Variants in BICDL1 observed in about 807,000 individuals in gnomAD.
BICDL1 encodes the protein BICD family-like cargo adapter 1.
In BICDL1, 20 loss-of-function variants were observed where a neutral mutation model predicts 76.8. That is an observed-to-expected ratio of 0.26 (90% CI 0.18 to 0.38). The LOEUF (loss-of-function observed/expected upper bound fraction) is 0.38, where lower values mean the gene tolerates loss of function less well. BICDL1 is among the 10% of genes least tolerant of loss of function. The pLI, the probability that BICDL1 is intolerant of heterozygous loss-of-function variation, is 1.00. For missense variants in BICDL1, 700 were observed against 798.6 expected (o/e 0.88, Z 1.49); for synonymous variants, 383 against 337.1 (o/e 1.14, Z -1.49).
rs775079761 is a variant in BICDL1, at chr12:119,989,959, G to A, written c.91G>A (p.Gly31Arg). Residue 31 changes from glycine to arginine, a missense_variant, in exon 1 of 10, where the codon GGG becomes AGG. By Grantham distance (125) the Gly-to-Arg change is moderately radical. Transcript: ENST00000548673. ...CTGCATGGAGCTGCCCGCCGCGGCC[G>A]GGGACGCAGTCCGGAGTCCCGCCGC... Reference protein sequence around the residue: ...ACCMELPAAAGDAVRSPAAAA... With the variant: ...ACCMELPAAARDAVRSPAAAA... 6.8e-7 allele frequency: 1 copy of A among 1,464,386 alleles called. No individual in the cohort carries two copies. The highest frequency in any genetic ancestry group is 8.9e-7 in the Non-Finnish European group (1 of 1,122,786). 90.7% of individuals were successfully genotyped at this position (1,464,386 alleles called of 1,614,324 possible).
chr12:119,989,687 CGCCGGCGCGGGGGAGGGGCGG>C lies in BICDL1; in HGVS notation c.-172_-152del, dbSNP rs1433237362. On this transcript the variant is annotated 5_prime_UTR_variant, in exon 1 of 10. Coordinates refer to ENST00000548673, the MANE Select transcript of BICDL1 (RefSeq NM_001367886.1). Reference sequence around the variant, plus strand: ...CGGGGGCGGGGGAGGGGGCGCGTGCCGCCGGCGCGGGGGAGGGGCGGGCCGGCGCGCGCCGCGCCCAGGGCT... The same window carrying C: ...CGGGGGCGGGGGAGGGGGCGCGTGCCGCCGGCGCGCGCCGCGCCCAGGGCT... Among the ~76,000 whole-genome samples, 1 of 146,266 alleles carries C rather than the reference CGCCGGCGCGGGGGAGGGGCGG, an allele frequency of 6.8e-6. No individual in the cohort carries two copies.
intron 7 of BICDL1, among the ~76,000 whole-genome samples, chr12:120,080,376 A>G (rs2138981972): frequency 6.6e-6 from 1 of 152,180 alleles, no homozygotes; most frequent in South Asian, 2.1e-4. Flanking sequence ...TCACCTGGGG[A>G]GCTGAATGAG....
At chr12:120,000,502 T>A (rs1438431983) in intron 2 of BICDL1, 1 of 152,260 alleles carries the variant, frequency 6.6e-6, no homozygotes, top group Admixed American at 6.5e-5. Context: ...GCTAGATTGA[T>A]TTATTTGTTC....
intron 7 of BICDL1, among the ~76,000 whole-genome samples, chr12:120,076,027 C>T (rs1374455931): frequency 6.6e-6 from 1 of 152,234 alleles, no homozygotes; most frequent in Non-Finnish European, 1.5e-5. Flanking sequence ...AGTGTGATGG[C>T]ACATGCCTAT....
chr12:120,052,263 TTC>T (rs564491804), intron 2 of BICDL1, among the ~76,000 whole-genome samples: 9 of 94,202 alleles, frequency 9.6e-5, no homozygotes, highest in Admixed American at 4.4e-4. Flanking sequence ...TCCCCTCCCC[TTC>T]TCTCTCTCTC....
intron 4 of BICDL1, among the ~76,000 whole-genome samples, chr12:120,069,859 T>TC (rs1872952454): frequency 1.3e-5 from 2 of 152,328 alleles, no homozygotes; most frequent in South Asian, 4.1e-4. Flanking sequence ...AAACCTCTAC[T>TC]CCAACGTTTT....
chr12:120,065,956 T>C (rs1012910036), intron 4 of BICDL1, among the ~76,000 whole-genome samples: 16 of 152,234 alleles, frequency 1.1e-4, no homozygotes, highest in African/African-American at 3.9e-4. Flanking sequence ...CTAGTAACTT[T>C]CCATATATTA....
At chr12:120,006,133 T>G (rs1186981187) in intron 2 of BICDL1, among the ~76,000 whole-genome samples, 1 of 152,152 alleles carries the variant, frequency 6.6e-6, no homozygotes, top group Non-Finnish European at 1.5e-5. Context: ...AAGATAATGG[T>G]TACCTGGGGA....
intron 2 of BICDL1, among the ~76,000 whole-genome samples, chr12:120,027,687 A>G (rs1381682313): frequency 6.6e-6 from 1 of 152,220 alleles, no homozygotes; most frequent in Non-Finnish European, 1.5e-5. Flanking sequence ...TGCACTCTGC[A>G]GGTGATGATG....
chr12:120,014,453 G>A (rs1311692530), intron 2 of BICDL1, among the ~76,000 whole-genome samples: 1 of 152,110 alleles, frequency 6.6e-6, no homozygotes, highest in Non-Finnish European at 1.5e-5. Flanking sequence ...CAGCACTTTG[G>A]GAGGCTGAGC....
rs1469663820 is a variant in BICDL1, at chr12:119,989,853, T to C, written c.-16T>C. 2 of 1,324,238 alleles carry C rather than the reference T, an allele frequency of 1.5e-6. No individual in the cohort carries two copies. Among genetic ancestry groups the C allele is most frequent in the Non-Finnish European group, 1.9e-6 (2 of 1,046,994 alleles). The allele number at this position is 1,324,238 out of a possible 1,614,324, so 82.0% of individuals were successfully genotyped here. A position where few individuals can be genotyped will look rare whatever the true frequency, so the allele number is the denominator to read the frequency against. On this transcript the variant is annotated 5_prime_UTR_variant, in exon 1 of 10. Coordinates refer to ENST00000548673, the MANE Select transcript of BICDL1 (RefSeq NM_001367886.1). ...CGGGCCGGGCCGCACCGCTGCGGGC[T>C]CCGCGCGCGCGGGCCATGTCCGCTT...
intron 7 of BICDL1, among the ~76,000 whole-genome samples, chr12:120,077,870 C>T (rs11065013): frequency 7.2e-6 from 1 of 139,054 alleles, no homozygotes. Flanking sequence ...CTTACAAGTT[C>T]TGGGTGGGTT....
intron 4 of BICDL1, among the ~76,000 whole-genome samples, chr12:120,065,474 G>T (rs552942563): frequency 1.2e-4 from 18 of 152,196 alleles, no homozygotes; most frequent in Non-Finnish European, 2.6e-4. Context: ...CTGCTACCGG[G>T]CCTCAGCTGA....
chr12:120,019,118 G>A (rs1334231900), intron 2 of BICDL1: 1 of 151,980 alleles, frequency 6.6e-6, no homozygotes, highest in Admixed American at 6.6e-5. Context: ...GGGAGCGGGG[G>A]ACCGCCAGCT....
intron 2 of BICDL1, chr12:120,000,231 T>G (rs1951732967): frequency 6.4e-6 from 1 of 155,438 alleles, no homozygotes; most frequent in African/African-American, 2.4e-5. Flanking sequence ...AGCTGAGGAT[T>G]CAGGCAATAG....
chr12:120,091,708 T>G (rs1874985552), intron 9 of BICDL1: 1 of 985,094 alleles, frequency 1.0e-6, no homozygotes, highest in African/African-American at 1.7e-5. Context: ...GGGTCCACAC[T>G]CACTGCTACC....
chr12:120,070,856 C>T (rs1188944990), intron 4 of BICDL1, among the ~76,000 whole-genome samples: 3 of 150,640 alleles, frequency 2.0e-5, no homozygotes, highest in Admixed American at 6.6e-5. Context: ...CTCAGCCTCC[C>T]GAGTAGCTGG....
intron 2 of BICDL1, among the ~76,000 whole-genome samples, chr12:120,015,261 A>G (rs1952037052): frequency 6.6e-6 from 1 of 152,184 alleles, no homozygotes; most frequent in African/African-American, 2.4e-5. Context: ...CCTCTTTGGA[A>G]GCTCTAAACA....
chr12:120,013,385 T>C (rs1011616979), intron 2 of BICDL1, among the ~76,000 whole-genome samples: 7 of 151,928 alleles, frequency 4.6e-5, no homozygotes, highest in African/African-American at 1.7e-4. Flanking sequence ...ATTATATTTC[T>C]TCTCCTGCTA....
Sources: gnomAD v4.1 joint callset for allele counts (sites outside exome capture counted in the v4.1 genomes callset) on GRCh38, gnomAD v4.1.1 for gene constraint, MANE v1.5 for transcripts, NCBI Gene and HGNC (gene_info 2026-07-23, HGNC 2026-07-21) for gene names.